NSF: variants seen among roughly 807,000 people sequenced by gnomAD.
NSF encodes N-ethylmaleimide sensitive factor, vesicle fusing ATPase.
A neutral mutation model predicts 50.3 loss-of-function variants in NSF; 14 were observed. That is an observed-to-expected ratio of 0.28 (90% CI 0.18 to 0.44). The LOEUF is 0.44. Ranked by LOEUF, NSF falls within the 20% of genes least tolerant of loss-of-function variation. NSF has a pLI of 1.00. For synonymous variants in NSF, 109 were observed against 175.7 expected, an observed-to-expected ratio of 0.62 and a Z score of 3.00; for missense variants, 218 against 504.3, an observed-to-expected ratio of 0.43 and a Z score of 5.44.
chr17:46,707,922 A>C (rs2058672406), intron 13 of NSF, among the ~76,000 whole-genome samples: 1 of 151,624 alleles, frequency 6.6e-6, no homozygotes. Flanking sequence ...AATCCCAGCT[A>C]CTCGGGAGGC....
At chr17:46,732,526 T>C (rs1340751812) in intron 17 of NSF, among the ~76,000 whole-genome samples, 4 of 152,164 alleles carry the variant, frequency 2.6e-5, no homozygotes, top group African/African-American at 9.7e-5. Context: ...TCTAAGTAAA[T>C]GCATAGATTT....
intron 19 of NSF, 113 bp downstream of exon 19, chr17:46,751,729 T>C (rs1004072173): frequency 8.2e-6 from 5 of 612,890 alleles, no homozygotes; most frequent in Non-Finnish European, 1.4e-5. Flanking sequence ...TTGATTTTCT[T>C]ATATTATTTC....
chr17:46,708,822 A>ATTTTTTTT (rs386627394), intron 13 of NSF, among the ~76,000 whole-genome samples: 1 of 108,902 alleles, frequency 9.2e-6, no homozygotes, highest in African/African-American at 3.8e-5. Flanking sequence ...ATATATATAT[A>ATTTTTTTT]TTTTTTTTTT....
intron 17 of NSF, among the ~76,000 whole-genome samples, chr17:46,748,843 G>A (rs932315045): frequency 3.9e-5 from 6 of 152,200 alleles, no homozygotes; most frequent in Non-Finnish European, 7.3e-5. Flanking sequence ...ATTAACTCCA[G>A]TAAAACAAAA....
intron 15 of NSF, among the ~76,000 whole-genome samples, chr17:46,716,755 C>G (rs1184516347): frequency 6.6e-6 from 1 of 152,048 alleles, no homozygotes; most frequent in Non-Finnish European, 1.5e-5. Context: ...ACAATAAATT[C>G]ATATTTGTCC....
chr17:46,755,565 A>C (rs2059224959), intron 20 of NSF, 196 bp downstream of exon 20: 1 of 687,296 alleles, frequency 1.5e-6, no homozygotes, highest in Non-Finnish European at 2.4e-6. Flanking sequence ...GCTTCGCAAA[A>C]CTTCCTTGTC....
At chr17:46,718,735 A>G (rs1157128104) in intron 15 of NSF, among the ~76,000 whole-genome samples, 1 of 152,232 alleles carries the variant, frequency 6.6e-6, no homozygotes, top group Admixed American at 6.5e-5. Flanking sequence ...TGTCAAATGA[A>G]GATAATATTA....
chr17:46,610,566 A>C (rs2146119594), intron 1 of NSF, among the ~76,000 whole-genome samples: 1 of 19,306 alleles, frequency 5.2e-5, no homozygotes, highest in Non-Finnish European at 8.1e-5. Flanking sequence ...AAAAAGCTTC[A>C]GAAACATTTT....
intron 13 of NSF, among the ~76,000 whole-genome samples, chr17:46,709,129 A>G (rs2058692249): frequency 6.6e-6 from 1 of 152,030 alleles, no homozygotes; most frequent in African/African-American, 2.4e-5. Context: ...GGCCTGTTAT[A>G]TATTCTTAAC....
intron 1 of NSF, among the ~76,000 whole-genome samples, chr17:46,619,793 A>AC (rs2058053109): frequency 2.3e-5 from 2 of 86,938 alleles, no homozygotes; most frequent in Non-Finnish European, 4.2e-5. Flanking sequence ...AAAAAAAAAA[A>AC]AAACCCAGAA....
chr17:46,742,389 A>G (rs549587199), intron 17 of NSF, among the ~76,000 whole-genome samples: 4 of 152,236 alleles, frequency 2.6e-5, no homozygotes, highest in Admixed American at 2.6e-4. Flanking sequence ...TCATTCATTC[A>G]GTGCATATTT....
intron 17 of NSF, among the ~76,000 whole-genome samples, chr17:46,743,555 T>A (rs910282697): frequency 1.3e-5 from 2 of 152,196 alleles, no homozygotes; most frequent in South Asian, 4.1e-4. Flanking sequence ...GGCCTCTACT[T>A]CTGTTGCACC....
chr17:46,736,146 T>C (rs1474364351), intron 17 of NSF, among the ~76,000 whole-genome samples: 1 of 152,180 alleles, frequency 6.6e-6, no homozygotes, highest in Non-Finnish European at 1.5e-5. Flanking sequence ...TCTCATTCAC[T>C]GAAATTTAGA....
chr17:46,738,498 A>G (rs1274034740), intron 17 of NSF, among the ~76,000 whole-genome samples: 1 of 152,192 alleles, frequency 6.6e-6, no homozygotes, highest in East Asian at 1.9e-4. Flanking sequence ...TATGTTAATG[A>G]ATAAGGACCA....
At chr17:46,626,428 T>C (rs200750878) in intron 2 of NSF, among the ~76,000 whole-genome samples, 185 bp from the exon 3 acceptor site, 1,059 of 18,740 alleles carry the variant, frequency 0.057, 8 homozygotes, top group East Asian at 0.24. Context: ...GCTCCTTATA[T>C]CTGGAAAACA....
intron 17 of NSF, among the ~76,000 whole-genome samples, chr17:46,740,749 C>T (rs949346435): frequency 6.6e-6 from 1 of 151,524 alleles, no homozygotes; most frequent in African/African-American, 2.4e-5. Context: ...GCAACCTCCG[C>T]CTCCTGGGTT....
intron 15 of NSF, among the ~76,000 whole-genome samples, chr17:46,724,269 G>A (rs766467477): frequency 2.6e-5 from 4 of 152,196 alleles, no homozygotes; most frequent in African/African-American, 7.2e-5. Flanking sequence ...GAGTTATGCT[G>A]CATGAAAGGA....
intron 15 of NSF, chr17:46,722,035 A>G: frequency 6.2e-7 from 1 of 1,607,868 alleles, no homozygotes; most frequent in Non-Finnish European, 8.5e-7. Flanking sequence ...CTGCCGTAAT[A>G]TTCAGCTCCC....
intron 17 of NSF, among the ~76,000 whole-genome samples, chr17:46,734,431 T>G (rs114008285): frequency 0.98 from 148,445 of 152,122 alleles, 72,519 homozygotes; most frequent in East Asian, 1. Context: ...TTAGTGGCCT[T>G]CTTAGTAAGT....
Sources: gnomAD v4.1 joint callset for allele counts (sites outside exome capture counted in the v4.1 genomes callset) on GRCh38, gnomAD v4.1.1 for gene constraint, MANE v1.5 for transcripts, NCBI Gene and HGNC (gene_info 2026-07-23, HGNC 2026-07-21) for gene names.